The following ASCC3 variants were observed in gnomAD, a reference collection of about 807,000 sequenced individuals.
The protein encoded by ASCC3 is activating signal cointegrator 1 complex subunit 3.
A neutral mutation model predicts 256.3 loss-of-function variants in ASCC3; 158 were observed. The ratio of observed to expected loss-of-function variants is 0.62; its 90% CI spans 0.54 to 0.70. The LOEUF (loss-of-function observed/expected upper bound fraction) is 0.70, where lower values mean the gene tolerates loss of function less well. Ranked by LOEUF, ASCC3 falls within the 30% of genes least tolerant of loss-of-function variation. The pLI is 0.00. For missense variants in ASCC3, 2,259 were observed against 2,626.0 expected (o/e 0.86, Z 3.05); for synonymous variants, 948 against 883.4 (o/e 1.07, Z -1.30).
chr6:100,631,085 A>C (rs1249340728), intron 26 of ASCC3, 43 bp downstream of exon 26: 1 of 1,377,284 alleles, frequency 7.3e-7, no homozygotes, highest in African/African-American at 1.4e-5. Flanking sequence ...TGGTCCTTTT[A>C]GTCAATTCAA....
Position 100,510,244 on chromosome 6 carries a change from AT to A in ASCC3, c.6286-138del, listed in dbSNP as rs1773697049. On this transcript the variant is annotated intron_variant, in intron 40 of 41. Transcript: ENST00000369162. ...AGCATATCTATCTGAGATGTTTTAAATTTTCTTCCATTCTGGTTTGGTGTCT... is the reference window on the plus strand; with the variant it reads ...AGCATATCTATCTGAGATGTTTTAAATTTCTTCCATTCTGGTTTGGTGTCT... 8.7e-6 allele frequency: 8 copies of A among 922,674 alleles called. No individual in the cohort carries two copies. The East Asian group carries it at 2.0e-4, about 23-fold the overall frequency. The allele number at this position is 922,674 out of a possible 1,614,324, so 57.2% of individuals were successfully genotyped here.
intron 30 of ASCC3, among the ~76,000 whole-genome samples, chr6:100,612,004 G>C (rs1773424012): frequency 6.6e-6 from 1 of 151,908 alleles, no homozygotes; most frequent in South Asian, 2.1e-4. Context: ...CTGACCACCT[G>C]ATTGTTAAAA....
At chr6:100,748,952 G>A (rs1317906991) in intron 10 of ASCC3, among the ~76,000 whole-genome samples, 2 of 151,894 alleles carry the variant, frequency 1.3e-5, no homozygotes, top group East Asian at 3.9e-4. Context: ...CAGACCCAAG[G>A]AATCTCTGGG....
At chr6:100,607,723 T>C (rs1403301030) in intron 30 of ASCC3, among the ~76,000 whole-genome samples, 1 of 151,780 alleles carries the variant, frequency 6.6e-6, no homozygotes, top group East Asian at 1.9e-4. Flanking sequence ...AGGATACATA[T>C]ACCTATTCAA....
chr6:100,605,503 A>G, intron 33 of ASCC3, 65 bp downstream of exon 33: 2 of 1,210,022 alleles, frequency 1.7e-6, no homozygotes, highest in South Asian at 1.4e-5. Context: ...ATAATAAAAT[A>G]TAACCAGAAA....
chr6:100,691,940 T>A (rs1345767401), intron 13 of ASCC3, among the ~76,000 whole-genome samples: 2 of 151,864 alleles, frequency 1.3e-5, no homozygotes, highest in Non-Finnish European at 2.9e-5. Context: ...GTACCTGCCT[T>A]ACAAGGGTGC....
chr6:100,834,585 A>G (rs764157086), intron 4 of ASCC3, among the ~76,000 whole-genome samples: 2 of 152,218 alleles, frequency 1.3e-5, no homozygotes, highest in Non-Finnish European at 2.9e-5. Context: ...CAAGGCAAAC[A>G]CAATGCTAGC....
At chr6:100,665,482 T>A (rs150429584) in intron 14 of ASCC3, among the ~76,000 whole-genome samples, 2,284 of 151,988 alleles carry the variant, frequency 0.015, 53 homozygotes, top group African/African-American at 0.052. Context: ...CCTAGCACTT[T>A]GGAAGGGTGA....
chr6:100,589,777 A>G lies in ASCC3; in HGVS notation c.5416-9T>C, dbSNP rs771455207. On this transcript the variant is annotated splice_polypyrimidine_tract_variant and intron_variant, in intron 35 of 41. Coordinates refer to ENST00000369162, the MANE Select transcript of ASCC3 (RefSeq NM_006828.4). ...TCAATGCTGCGATTATCCTATTTCA[A>G]AAGAATAACAAATGAAGAGTACGAT... is the stretch of plus-strand genomic sequence containing the variant. The G allele has an allele frequency of 1.2e-6, 2 of 1,613,580 alleles. No individual in the cohort carries two copies.
intron 36 of ASCC3, among the ~76,000 whole-genome samples, chr6:100,580,165 T>A (rs898781493): frequency 6.6e-6 from 1 of 152,114 alleles, no homozygotes; most frequent in African/African-American, 2.4e-5. Context: ...CTGATTTGCG[T>A]ACACTAATTT....
At chr6:100,618,939 A>G (rs1192398753) in intron 30 of ASCC3, among the ~76,000 whole-genome samples, 1 of 152,218 alleles carries the variant, frequency 6.6e-6, no homozygotes, top group Non-Finnish European at 1.5e-5. Context: ...GTAAGACAAT[A>G]GGATGATGCC....
chr6:100,526,253 CAA>C (rs1280963729), intron 37 of ASCC3, among the ~76,000 whole-genome samples: 1 of 152,138 alleles, frequency 6.6e-6, no homozygotes, highest in African/African-American at 2.4e-5. Context: ...TAATGCAGTA[CAA>C]ATTAAAGTTG....
intron 11 of ASCC3, among the ~76,000 whole-genome samples, chr6:100,724,144 A>T (rs559896945): frequency 2.5e-5 from 3 of 118,124 alleles, no homozygotes; most frequent in Non-Finnish European, 5.8e-5. Context: ...TAGCTACAAA[A>T]AAACAAAAAA....
intron 36 of ASCC3, among the ~76,000 whole-genome samples, chr6:100,554,613 T>C (rs761555896): frequency 1.3e-5 from 2 of 152,182 alleles, no homozygotes; most frequent in Non-Finnish European, 2.9e-5. Flanking sequence ...TCTGAGGCGT[T>C]AAAACAAACC....
Position 100,848,586 on chromosome 6 carries a change from G to A in ASCC3, c.363C>T (p.Pro121=). ...ETKAIKQMFG[P]FPSSSATAAC... is the part of the protein sequence containing the mutation. ...CTGCAGTGGCAGATGATGAAGGAAAGGGGCCAAACATCTGTTTGATAGCCT... is the reference window on the plus strand; with the variant it reads ...CTGCAGTGGCAGATGATGAAGGAAAAGGGCCAAACATCTGTTTGATAGCCT... Residue 121 remains proline (P), a synonymous_variant, in exon 4 of 42, where the codon CCC becomes CCT. Transcript: ENST00000369162. 9 of 1,614,116 alleles carry A rather than the reference G, an allele frequency of 5.6e-6. No homozygotes were observed. In the South Asian group the frequency reaches 8.8e-5, roughly 16 times the overall value.
chr6:100,761,216 C>A (rs1781404001), intron 10 of ASCC3, among the ~76,000 whole-genome samples: 1 of 152,142 alleles, frequency 6.6e-6, no homozygotes, highest in Non-Finnish European at 1.5e-5. Context: ...GAAGGCCTGG[C>A]ATGGTAGCTG....
chr6:100,520,816 C>T (rs1774265653), intron 37 of ASCC3, among the ~76,000 whole-genome samples: 1 of 152,120 alleles, frequency 6.6e-6, no homozygotes, highest in Non-Finnish European at 1.5e-5. Context: ...CTATGATGTT[C>T]ACACATGAAG....
chr6:100,730,842 T>G (rs1779868205), intron 10 of ASCC3, among the ~76,000 whole-genome samples: 1 of 152,140 alleles, frequency 6.6e-6, no homozygotes, highest in Non-Finnish European at 1.5e-5. Flanking sequence ...TATGTTCCCT[T>G]CTCTCCCATC....
chr6:100,542,967 T>C (rs1301256843), intron 36 of ASCC3, among the ~76,000 whole-genome samples: 1 of 152,106 alleles, frequency 6.6e-6, no homozygotes, highest in Non-Finnish European at 1.5e-5. Flanking sequence ...TACAAAATGA[T>C]TGTTTAAACA....
Sources: gnomAD v4.1 joint callset for allele counts (sites outside exome capture counted in the v4.1 genomes callset) on GRCh38, gnomAD v4.1.1 for gene constraint, MANE v1.5 for transcripts, NCBI Gene and HGNC (gene_info 2026-07-23, HGNC 2026-07-21) for gene names.